SLC18A2: variants seen among roughly 807,000 people sequenced by gnomAD.
The protein encoded by SLC18A2 is synaptic vesicular amine transporter.
Under a neutral mutation model 59.2 loss-of-function variants are expected in SLC18A2, and 33 were observed. The ratio of observed to expected loss-of-function variants is 0.56; its 90% CI spans 0.42 to 0.75. The LOEUF (loss-of-function observed/expected upper bound fraction) is 0.75. SLC18A2 is among the 30% of genes least tolerant of loss of function. The pLI is 0.00. For synonymous variants in SLC18A2, 228 were observed against 253.5 expected, an observed-to-expected ratio of 0.90 and a Z score of 0.95; for missense variants, 569 against 668.6, an observed-to-expected ratio of 0.85 and a Z score of 1.64.
intron 9 of SLC18A2, among the ~76,000 whole-genome samples, chr10:117,256,194 G>A (rs1844228249): frequency 6.6e-6 from 1 of 152,224 alleles, no homozygotes; most frequent in Non-Finnish European, 1.5e-5. Flanking sequence ...ACATGCTTTG[G>A]CCTAGAGGGG....
chr10:117,252,788 A>G (rs1180797483), intron 3 of SLC18A2, among the ~76,000 whole-genome samples: 3 of 152,208 alleles, frequency 2.0e-5, no homozygotes, highest in Non-Finnish European at 4.4e-5. Flanking sequence ...GTCCAGCCAG[A>G]CATGGCATAG....
intron 10 of SLC18A2, among the ~76,000 whole-genome samples, chr10:117,266,207 A>G (rs2133741521): frequency 6.6e-6 from 1 of 152,214 alleles, no homozygotes; most frequent in East Asian, 1.9e-4. Context: ...GATAGAGTAT[A>G]ATCCCTTTTT....
intron 3 of SLC18A2, among the ~76,000 whole-genome samples, chr10:117,252,149 T>A (rs1844169696): frequency 7.1e-6 from 1 of 141,712 alleles, no homozygotes; most frequent in Admixed American, 7.0e-5. Context: ...TTTTTTTTTT[T>A]TTTTTTTTTT....
chr10:117,260,819 T>C (rs1844287287), intron 10 of SLC18A2, among the ~76,000 whole-genome samples: 1 of 152,166 alleles, frequency 6.6e-6, no homozygotes, highest in Non-Finnish European at 1.5e-5. Context: ...CAGAACACAG[T>C]AGAAGAGGCA....
intron 2 of SLC18A2, 158 bp downstream of exon 2, chr10:117,241,972 CG>C (rs1042925771): frequency 9.9e-6 from 7 of 709,402 alleles, no homozygotes; most frequent in African/African-American, 9.5e-5. Flanking sequence ...GCTGCCGCGC[CG>C]GGGCTAGGAG....
At position 117,270,334 on chromosome 10, in the gene SLC18A2, T is replaced by C. The variant is rs1040320504; in HGVS notation, c.1311T>C (p.Pro437=). 1.9e-6 allele frequency: 3 copies of C among 1,614,112 alleles called. No individual in the cohort carries two copies. The Admixed American group carries it at 5.0e-5, about 27-fold the overall frequency. The change falls in exon 15 of 16, where the codon CCT becomes CCC. Residue 437 remains proline, a synonymous_variant. Transcript: ENST00000644641. ...TAATTCTCTGTTTCCTGAAAGGTCC[T>C]TCTGCTGGTGGTGCTATTGCAAAGG... ...VAFCMGYAIG[P]SAGGAIAKAI...
Position 117,244,215 on chromosome 10 carries a change from A to G in SLC18A2, c.366A>G (p.Lys122=). The G allele has an allele frequency of 6.2e-7, 1 of 1,614,200 alleles. No individual in the cohort carries two copies. The highest frequency in any genetic ancestry group is 1.6e-4 in the Middle Eastern group (1 of 6,062). Residue 122 remains lysine (K), a synonymous_variant, in exon 3 of 16, where the codon AAA becomes AAG. Transcript: ENST00000644641. ...AVPSDCPSED[K]DLLNENVQVG... ...CTTCCGACTGTCCCAGTGAAGACAA[A>G]GACCTCCTGAATGAAAACGTGCAAG...
At position 117,257,802 on chromosome 10, in the gene SLC18A2, A is replaced by G. The variant is rs1213320152; in HGVS notation, c.901A>G (p.Ile301Val). 4 of 1,604,258 alleles carry G rather than the reference A, an allele frequency of 2.5e-6. No individual in the cohort carries two copies. Among genetic ancestry groups the G allele is most frequent in the Non-Finnish European group, 3.4e-6 (4 of 1,174,688 alleles). The part of the protein sequence containing the change: ...DPYILIAAGS[I>V]CFANMGIAML... Reference sequence around the variant, plus strand: ...AGCCCTTTCCTCCCTTACAGGCTCCATCTGCTTTGCAAACATGGGCATCGC... The same window carrying G: ...AGCCCTTTCCTCCCTTACAGGCTCCGTCTGCTTTGCAAACATGGGCATCGC... The change falls in exon 10 of 16, where the codon ATC becomes GTC. Residue 301 changes from isoleucine to valine, a missense_variant. Physicochemically the swap from Ile to Val is conservative, Grantham distance 29. Transcript: ENST00000644641.
intron 6 of SLC18A2, 53 bp from the exon 7 acceptor site, chr10:117,255,224 C>T (rs1027780765): frequency 6.7e-7 from 1 of 1,496,876 alleles, no homozygotes; most frequent in Non-Finnish European, 9.3e-7. Flanking sequence ...GGTTCTAGTA[C>T]AGGGAGAGGG....
intron 10 of SLC18A2, among the ~76,000 whole-genome samples, chr10:117,264,486 G>GA (rs1462923307): frequency 6.6e-6 from 1 of 152,140 alleles, no homozygotes; most frequent in African/African-American, 2.4e-5. Context: ...CCTCTATTGA[G>GA]ACTCCACCTC....
chr10:117,253,644 G>T (rs1482505814), intron 4 of SLC18A2, among the ~76,000 whole-genome samples, 187 bp downstream of exon 4: 1 of 152,076 alleles, frequency 6.6e-6, no homozygotes, highest in East Asian at 1.9e-4. Flanking sequence ...TCAGGAGTCC[G>T]AGACCAACCT....
intron 15 of SLC18A2, among the ~76,000 whole-genome samples, chr10:117,272,222 C>A (rs1296168689): frequency 6.6e-6 from 1 of 152,172 alleles, no homozygotes; most frequent in Non-Finnish European, 1.5e-5. Context: ...CCCACTCTTT[C>A]CTGCTTATCT....
chr10:117,267,345 T>G (rs1844359538), intron 12 of SLC18A2: 2 of 444,258 alleles, frequency 4.5e-6, no homozygotes, highest in South Asian at 8.2e-5. Flanking sequence ...CAAGATGTTT[T>G]TCTAGAATAA....
At chr10:117,242,868 G>A (rs1844071127) in intron 2 of SLC18A2, among the ~76,000 whole-genome samples, 1 of 152,078 alleles carries the variant, frequency 6.6e-6, no homozygotes, top group Admixed American at 6.5e-5. Context: ...GAGTAGCTGG[G>A]TTACCGGCAT....
At chr10:117,255,145 A>G in intron 6 of SLC18A2, 132 bp from the exon 7 acceptor site, 1 of 806,460 alleles carries the variant, frequency 1.2e-6, no homozygotes, top group Non-Finnish European at 2.0e-6. Context: ...ACCGAACAGA[A>G]CAATAGGGCA....
rs543667627 is a variant in SLC18A2 at position 117,263,249 on chromosome 10, G to A, written c.992-3484G>A. Among the ~76,000 whole-genome samples, 4 of 152,302 alleles carry A rather than the reference G, an allele frequency of 2.6e-5. No individual in the cohort carries two copies. The South Asian group carries it at 8.3e-4, about 32-fold the overall frequency. ...ATGGCTCCCTGACCCTGGGGATGGG[G>A]TACTGTGAGTGAAGCAGTGCGGAGG... On this transcript the variant is annotated intron_variant, in intron 10 of 15. Transcript: ENST00000644641.
At chr10:117,265,335 G>A (rs1054713042) in intron 10 of SLC18A2, among the ~76,000 whole-genome samples, 3 of 152,114 alleles carry the variant, frequency 2.0e-5, no homozygotes, top group African/African-American at 4.8e-5. Context: ...TTGCCCGTGA[G>A]TGTGTGGCCA....
intron 15 of SLC18A2, among the ~76,000 whole-genome samples, chr10:117,271,591 C>T (rs1844428642): frequency 6.6e-6 from 1 of 152,116 alleles, no homozygotes; most frequent in Non-Finnish European, 1.5e-5. Flanking sequence ...ATGCATGGCC[C>T]GTCTGACTCA....
At chr10:117,274,380 T>C (rs976501303) in intron 15 of SLC18A2, among the ~76,000 whole-genome samples, 2 of 152,164 alleles carry the variant, frequency 1.3e-5, no homozygotes, top group African/African-American at 4.8e-5. Flanking sequence ...AGTGCAGTTT[T>C]TTGTTGCGTT....
Sources: allele counts gnomAD v4.1 joint callset (sites outside exome capture counted in the v4.1 genomes callset), GRCh38; gene constraint gnomAD v4.1.1; transcripts MANE v1.5; gene names NCBI Gene and HGNC (gene_info 2026-07-23, HGNC 2026-07-21).